XIRP2: variants seen among roughly 807,000 people sequenced by gnomAD.
XIRP2 encodes xin actin binding repeat containing 2, also known as xin actin-binding repeat-containing protein 2.
A neutral mutation model predicts 277.0 loss-of-function variants in XIRP2; 236 were observed. The observed-to-expected ratio is 0.85, with a 90% CI of 0.77 to 0.95. The LOEUF is 0.95. Among genes scored for constraint, XIRP2 ranks in the 40% least tolerant of loss-of-function variants. The pLI, the probability that XIRP2 is intolerant of heterozygous loss-of-function variation, is 0.00. For missense variants in XIRP2, 4,640 were observed against 4,157.5 expected, an observed-to-expected ratio of 1.12 and a Z score of -3.19; for synonymous variants, 1,490 against 1,416.5, an observed-to-expected ratio of 1.05 and a Z score of -1.17.
intron 2 of XIRP2, among the ~76,000 whole-genome samples, chr2:167,073,459 G>A (rs1026786037): frequency 3.9e-5 from 6 of 151,918 alleles, no homozygotes; most frequent in Middle Eastern, 6.8e-3. Flanking sequence ...ACACTTCTTG[G>A]TACTCATCTG....
intron 4 of XIRP2, among the ~76,000 whole-genome samples, chr2:167,211,743 A>G (rs1418943435): frequency 6.6e-6 from 1 of 152,202 alleles, no homozygotes; most frequent in Non-Finnish European, 1.5e-5. Context: ...CAACATAAAA[A>G]TGAGAGAGAT....
At chr2:167,111,267 T>G (rs566830475) in intron 2 of XIRP2, among the ~76,000 whole-genome samples, 1 of 152,320 alleles carries the variant, frequency 6.6e-6, no homozygotes, top group Non-Finnish European at 1.5e-5. Context: ...TTCAAGAGAA[T>G]GCTTCTAGCT....
chr2:166,914,138 C>T (rs757568519), intron 2 of XIRP2, among the ~76,000 whole-genome samples: 12 of 152,048 alleles, frequency 7.9e-5, no homozygotes, highest in African/African-American at 1.9e-4. Context: ...TTGAGAGAGT[C>T]GGAGGAGTTA....
At chr2:167,136,138 G>A (rs1691544970) in intron 3 of XIRP2, 76 bp downstream of exon 3, 6 of 1,371,212 alleles carry the variant, frequency 4.4e-6, no homozygotes, top group Non-Finnish European at 5.7e-6. Flanking sequence ...TAAAATATAT[G>A]AGGGGTTTGT....
chr2:166,994,813 GA>G (rs1687168217), intron 2 of XIRP2, among the ~76,000 whole-genome samples: 2 of 151,574 alleles, frequency 1.3e-5, no homozygotes, highest in Admixed American at 6.6e-5. Context: ...GTCATTAGGG[GA>G]AACTAGTTTA....
chr2:167,114,908 T>C (rs1358417456), intron 2 of XIRP2, among the ~76,000 whole-genome samples: 1 of 152,080 alleles, frequency 6.6e-6, no homozygotes, highest in East Asian at 1.9e-4. Context: ...TAAACATACG[T>C]GTGTGTGTGT....
At chr2:167,076,477 C>T (rs1305275706) in intron 2 of XIRP2, among the ~76,000 whole-genome samples, 1 of 151,980 alleles carries the variant, frequency 6.6e-6, no homozygotes, top group African/African-American at 2.4e-5. Flanking sequence ...AATGAACTTG[C>T]AAAATGATTC....
At chr2:167,012,678 A>G (rs1437773248) in intron 2 of XIRP2, among the ~76,000 whole-genome samples, 1 of 151,522 alleles carries the variant, frequency 6.6e-6, no homozygotes, top group Non-Finnish European at 1.5e-5. Context: ...GTCAGCATCA[A>G]TGGTTATTTT....
intron 2 of XIRP2, among the ~76,000 whole-genome samples, chr2:166,940,535 T>A (rs1685676346): frequency 6.6e-6 from 1 of 152,238 alleles, no homozygotes; most frequent in South Asian, 2.1e-4. Context: ...ATTTTTAGAA[T>A]TTTCAGCTTT....
chr2:167,103,059 A>G (rs946845120), intron 2 of XIRP2, among the ~76,000 whole-genome samples: 4 of 152,114 alleles, frequency 2.6e-5, no homozygotes. Flanking sequence ...GGATCACTTG[A>G]GCCTGGGAGG....
intron 2 of XIRP2, among the ~76,000 whole-genome samples, chr2:167,055,189 T>C (rs1689010878): frequency 6.6e-6 from 1 of 152,128 alleles, no homozygotes; most frequent in Non-Finnish European, 1.5e-5. Flanking sequence ...AAAACTCCTT[T>C]CTCTTCACCG....
chr2:167,134,127 A>G (rs1691465824), intron 2 of XIRP2, among the ~76,000 whole-genome samples: 1 of 151,904 alleles, frequency 6.6e-6, no homozygotes. Context: ...ATATGTGTAT[A>G]TATGTGTATA....
Position 167,249,888 on chromosome 2 carries a change from A to T in XIRP2, c.8496A>T (p.Glu2832Asp). 1.2e-6 allele frequency: 2 copies of T among 1,613,564 alleles called. No individual in the cohort carries two copies. Among genetic ancestry groups the T allele is most frequent in the Non-Finnish European group, 1.7e-6 (2 of 1,179,732 alleles). ...NQGPSMIGRK[E>D]ERLITERKHE... ...GACCATCAATGATTGGTCGAAAAGA[A>T]GAGAGATTAATAACTGAAAGAAAAC... Residue 2832 changes from glutamate (E) to aspartate (D), a missense_variant, in exon 9 of 11, where the codon GAA becomes GAT. Glu to Asp is a conservative substitution (Grantham distance 45). Coordinates refer to ENST00000409195, the MANE Select transcript of XIRP2 (RefSeq NM_152381.6).
chr2:167,184,852 G>A (rs541727799), intron 3 of XIRP2, among the ~76,000 whole-genome samples: 127 of 152,236 alleles, frequency 8.3e-4, no homozygotes, highest in Non-Finnish European at 1.1e-3. Flanking sequence ...ATAGGTGGAG[G>A]TATCTAGGCA....
At position 167,067,987 on chromosome 2, in the gene XIRP2, C is replaced by T. The variant is rs146293384; in HGVS notation, c.409-67922C>T. ...CATCTCCAAAATTCTCTTTTTGCTTCCAGAGCTTTGCTCCTTTCACAAGGA... is the reference window on the plus strand; with the variant it reads ...CATCTCCAAAATTCTCTTTTTGCTTTCAGAGCTTTGCTCCTTTCACAAGGA... On this transcript the variant is annotated intron_variant, in intron 2 of 10. Coordinates refer to ENST00000409195, the MANE Select transcript of XIRP2 (RefSeq NM_152381.6). Among the ~76,000 whole-genome samples the T allele has an allele frequency of 2.8e-3, 430 of 152,254 alleles. 1 individual carries two copies. The highest frequency in any genetic ancestry group is 4.5e-3 in the Non-Finnish European group (307 of 68,000).
intron 2 of XIRP2, among the ~76,000 whole-genome samples, chr2:167,114,939 T>G (rs568067678): frequency 1.3e-5 from 2 of 152,184 alleles, no homozygotes; most frequent in Non-Finnish European, 2.9e-5. Flanking sequence ...GCATGATTTA[T>G]AGTCCTTTGG....
chr2:167,249,872 TG>T lies in XIRP2; in HGVS notation c.8481del (p.Met2827IlefsTer9). 1 of 1,613,456 alleles carries T rather than the reference TG, an allele frequency of 6.2e-7. No homozygotes were observed. The highest frequency in any genetic ancestry group is 1.7e-5 in the Admixed American group (1 of 59,946). Reference protein sequence around the residue: ...GSEEKNQGPSMIGRKEERLIT... With the variant: ...GSEEKNQGPSXIGRKEERLIT... The stretch of plus-strand genomic sequence containing the variant: ...GAAGAAAAAAATCAGGGACCATCAA[TG>T]ATTGGTCGAAAAGAAGAGAGATTAA... On this transcript the variant is annotated frameshift_variant, in exon 9 of 11. Coordinates refer to ENST00000409195, the MANE Select transcript of XIRP2 (RefSeq NM_152381.6). LOFTEE classifies it high-confidence loss of function.
In XIRP2 at chr2:167,036,081, CA is replaced by C. The variant is rs573107403; in HGVS notation, c.409-99824del. ...GTATGGAAGCACCTGGATGCTCAGG[CA>C]AAAGTTTGCTGCAGAGGCAGCGCCC... On this transcript the variant is annotated intron_variant, in intron 2 of 10. Transcript: ENST00000409195. Among the ~76,000 whole-genome samples the C allele has an allele frequency of 3.2e-3, 487 of 152,312 alleles. 4 individuals carry two copies. The highest frequency in any genetic ancestry group is 0.011 in the African/African-American group (461 of 41,570).
At chr2:166,967,353 A>G (rs1224172718) in intron 2 of XIRP2, among the ~76,000 whole-genome samples, 43 of 151,882 alleles carry the variant, frequency 2.8e-4, no homozygotes, top group Admixed American at 2.8e-3. Flanking sequence ...ATTTCCTAAA[A>G]TTATATTAAA....
Sources: gnomAD v4.1 joint callset for allele counts (sites outside exome capture counted in the v4.1 genomes callset) on GRCh38, gnomAD v4.1.1 for gene constraint, MANE v1.5 for transcripts, NCBI Gene and HGNC (gene_info 2026-07-23, HGNC 2026-07-21) for gene names.